Variants in VTI1A observed in about 807,000 individuals in gnomAD.
VTI1A encodes vesicle transport through interaction with t-SNAREs 1A.
In VTI1A, 22 loss-of-function variants were observed where a neutral mutation model predicts 34.9. The observed-to-expected ratio is 0.63, with a 90% CI of 0.45 to 0.90. The LOEUF (loss-of-function observed/expected upper bound fraction) is 0.90, where lower values mean the gene tolerates loss of function less well. VTI1A is among the 40% of genes least tolerant of loss of function. The probability of loss-of-function intolerance (pLI) is 0.00; values close to 1 mark genes in which losing one functional copy is unlikely to be tolerated. For synonymous variants in VTI1A, 87 were observed against 97.3 expected (o/e 0.89, Z 0.62); for missense variants, 268 against 275.6 (o/e 0.97, Z 0.20).
rs537554995 is a variant in VTI1A, at chr10:112,816,970, G to T, written c.*1587G>T. 8.6e-6 allele frequency: 2 copies of T among 231,592 alleles called. No homozygotes were observed. Among genetic ancestry groups the T allele is most frequent in the East Asian group, 6.1e-5 (1 of 16,396 alleles). The allele number at this position is 231,592 out of a possible 1,614,324, so 14.3% of individuals were successfully genotyped here. On this transcript the variant is annotated 3_prime_UTR_variant, in exon 8 of 8. Transcript: ENST00000393077. ...TAAATAAAGCTGCAGCCTTTACTTC[G>T]GAGGGATGGTGTGGGATTTTGGCCG...
chr10:112,653,311 T>A (rs1393585011), intron 5 of VTI1A, among the ~76,000 whole-genome samples: 1 of 152,210 alleles, frequency 6.6e-6, no homozygotes, highest in Non-Finnish European at 1.5e-5. Flanking sequence ...TTCATTTTGC[T>A]TTGTATTCCT....
intron 7 of VTI1A, among the ~76,000 whole-genome samples, chr10:112,670,447 C>A (rs11814680): frequency 0.24 from 36,989 of 152,062 alleles, 6,832 homozygotes; most frequent in African/African-American, 0.52. Context: ...TTTATGCGGG[C>A]TCTACGTGGC....
intron 7 of VTI1A, among the ~76,000 whole-genome samples, chr10:112,790,248 A>C (rs10787460): frequency 0.8 from 121,108 of 152,140 alleles, 48,521 homozygotes; most frequent in East Asian, 0.95. Context: ...CATAAGGCTT[A>C]CATCCTCTGC....
At chr10:112,842,004 C>T in the VTI1A span, among the ~76,000 whole-genome samples, 1 of 146,834 alleles carries the variant, frequency 6.8e-6, no homozygotes, top group Admixed American at 6.8e-5. Flanking sequence ...ACATGGTTTC[C>T]AACAATTGGA....
At chr10:112,575,178 G>A (rs1345662680) in intron 5 of VTI1A, among the ~76,000 whole-genome samples, 2 of 152,146 alleles carry the variant, frequency 1.3e-5, no homozygotes. Context: ...TAAATAAATA[G>A]CTATGAAATG....
intron 5 of VTI1A, among the ~76,000 whole-genome samples, chr10:112,574,660 C>T (rs988442728): frequency 3.9e-5 from 6 of 152,208 alleles, no homozygotes; most frequent in East Asian, 1.9e-4. Context: ...ATCTACCACA[C>T]GTTAAGTGAT....
intron 2 of VTI1A, among the ~76,000 whole-genome samples, chr10:112,461,461 G>T (rs1847725102): frequency 6.6e-6 from 1 of 152,196 alleles, no homozygotes. Flanking sequence ...TGGATGGGGA[G>T]ACTGAGACTT....
intron 5 of VTI1A, among the ~76,000 whole-genome samples, chr10:112,652,934 T>C (rs1438333856): frequency 6.6e-6 from 1 of 152,134 alleles, no homozygotes; most frequent in Admixed American, 6.5e-5. Flanking sequence ...TTGGACAAAA[T>C]GCATACACAA....
intron 5 of VTI1A, among the ~76,000 whole-genome samples, chr10:112,635,644 T>C (rs899615062): frequency 6.6e-6 from 1 of 152,148 alleles, no homozygotes; most frequent in Non-Finnish European, 1.5e-5. Context: ...GCACTGGTCT[T>C]TGTGAGAGGT....
intron 7 of VTI1A, among the ~76,000 whole-genome samples, chr10:112,700,980 C>T (rs1436060282): frequency 6.6e-6 from 1 of 152,190 alleles, no homozygotes; most frequent in Non-Finnish European, 1.5e-5. Flanking sequence ...CATTTCTCTT[C>T]TGTGGGTTTT....
intron 5 of VTI1A, among the ~76,000 whole-genome samples, chr10:112,573,684 C>T (rs1482677886): frequency 6.6e-6 from 1 of 152,152 alleles, no homozygotes; most frequent in Non-Finnish European, 1.5e-5. Context: ...TTCTTCTGGA[C>T]ACCTCCGTAT....
At chr10:112,455,172 TCCC>T (rs1589783951) in intron 1 of VTI1A, among the ~76,000 whole-genome samples, 5 of 894 alleles carry the variant, frequency 5.6e-3, no homozygotes, top group African/African-American at 0.01. Flanking sequence ...CCTCCCCTCC[TCCC>T]CTCCCCTCCT....
chr10:112,485,368 A>G (rs1034374960), intron 3 of VTI1A: 1 of 152,254 alleles, frequency 6.6e-6, no homozygotes, highest in Admixed American at 6.5e-5. Flanking sequence ...AGCCATGTAT[A>G]GGAAAATATG....
At chr10:112,586,712 G>A (rs1844176224) in intron 5 of VTI1A, among the ~76,000 whole-genome samples, 1 of 152,072 alleles carries the variant, frequency 6.6e-6, no homozygotes, top group Admixed American at 6.5e-5. Context: ...AGAAACAATT[G>A]TGGTTAACAA....
chr10:112,634,179 A>G (rs1429409264), intron 5 of VTI1A: 6 of 154,572 alleles, frequency 3.9e-5, no homozygotes, highest in African/African-American at 7.2e-5. Flanking sequence ...ACTTTGTGGA[A>G]CAGTGCAATG....
At chr10:112,682,628 G>C (rs1848254103) in intron 7 of VTI1A, among the ~76,000 whole-genome samples, 1 of 152,168 alleles carries the variant, frequency 6.6e-6, no homozygotes, top group Admixed American at 6.5e-5. Flanking sequence ...TGCTAAGCCT[G>C]GTAGACTGAG....
intron 3 of VTI1A, among the ~76,000 whole-genome samples, chr10:112,467,440 C>A (rs187806066): frequency 6.6e-6 from 1 of 152,032 alleles, no homozygotes; most frequent in East Asian, 1.9e-4. Flanking sequence ...ATAAAATATC[C>A]TAACACTGAT....
rs967725795 is a variant in VTI1A, at chr10:112,463,049, C to T, written c.154-1498C>T. Reference sequence around the variant, plus strand: ...AAGCAATTCTCCTGTCTCAGCCTCCCGAGTAGCTGGGACTACAGGCACCCG... The same window carrying T: ...AAGCAATTCTCCTGTCTCAGCCTCCTGAGTAGCTGGGACTACAGGCACCCG... On this transcript the variant is annotated intron_variant, in intron 2 of 7. Transcript: ENST00000393077. Among the ~76,000 whole-genome samples, 22 of 152,158 alleles carry T rather than the reference C, an allele frequency of 1.4e-4. No individual in the cohort carries two copies. In the South Asian group the frequency reaches 1.7e-3, roughly 11 times the overall value.
intron 7 of VTI1A, among the ~76,000 whole-genome samples, chr10:112,711,622 G>A (rs1380573397): frequency 2.0e-5 from 3 of 152,178 alleles, no homozygotes; most frequent in Admixed American, 6.5e-5. Flanking sequence ...CCAAGTTCAA[G>A]ACCGGTGACT....
Sources: gnomAD v4.1 joint callset for allele counts (sites outside exome capture counted in the v4.1 genomes callset) on GRCh38, gnomAD v4.1.1 for gene constraint, MANE v1.5 for transcripts, NCBI Gene and HGNC (gene_info 2026-07-23, HGNC 2026-07-21) for gene names.